ZHX2: variants seen among roughly 807,000 people sequenced by gnomAD.
ZHX2 encodes zinc fingers and homeoboxes protein 2.
In ZHX2, 6 loss-of-function variants were observed where a neutral mutation model predicts 21.9. That is an observed-to-expected ratio of 0.27 (90% CI 0.15 to 0.54). ZHX2 has a LOEUF of 0.54. ZHX2 is among the 20% of genes least tolerant of loss of function. The probability of loss-of-function intolerance (pLI) is 0.95; values close to 1 mark genes in which losing one functional copy is unlikely to be tolerated. For synonymous variants in ZHX2, 434 were observed against 437.1 expected, an observed-to-expected ratio of 0.99 and a Z score of 0.09; for missense variants, 908 against 1,090.7, an observed-to-expected ratio of 0.83 and a Z score of 2.36.
chr8:122,893,924 C>A (rs1403763823), intron 2 of ZHX2, among the ~76,000 whole-genome samples: 1 of 152,216 alleles, frequency 6.6e-6, no homozygotes, highest in African/African-American at 2.4e-5. Flanking sequence ...GATATCTGTG[C>A]ATCTGGTGGG....
intron 2 of ZHX2, among the ~76,000 whole-genome samples, chr8:122,882,936 G>A (rs1159689432): frequency 6.6e-6 from 1 of 152,000 alleles, no homozygotes; most frequent in Non-Finnish European, 1.5e-5. Flanking sequence ...GAGCTGAGAT[G>A]GCACCACTAT....
At chr8:122,841,930 A>G (rs1586315844) in intron 1 of ZHX2, among the ~76,000 whole-genome samples, 1 of 152,198 alleles carries the variant, frequency 6.6e-6, no homozygotes, top group East Asian at 1.9e-4. Flanking sequence ...AGTATGAGAT[A>G]TGAAGACTCC....
At chr8:122,836,024 A>T (rs1477503941) in intron 1 of ZHX2, among the ~76,000 whole-genome samples, 1 of 152,026 alleles carries the variant, frequency 6.6e-6, no homozygotes, top group Non-Finnish European at 1.5e-5. Flanking sequence ...GAAGACTGGG[A>T]ATTTCCCACA....
chr8:122,851,610 G>A (rs1469868802), intron 1 of ZHX2, among the ~76,000 whole-genome samples: 1 of 152,240 alleles, frequency 6.6e-6, no homozygotes, highest in African/African-American at 2.4e-5. Flanking sequence ...AGGATCCTCA[G>A]TACCTGGCAC....
intron 1 of ZHX2, among the ~76,000 whole-genome samples, chr8:122,829,818 G>A (rs1818333382): frequency 1.3e-5 from 2 of 152,222 alleles, no homozygotes; most frequent in African/African-American, 4.8e-5. Flanking sequence ...GGTGAGTTTG[G>A]AGAGACATTT....
At position 122,782,982 on chromosome 8, in the gene ZHX2, GA is replaced by G. The variant is rs1817323526; in HGVS notation, c.-283+1039del. On this transcript the variant is annotated intron_variant, in intron 1 of 3. Coordinates refer to ENST00000314393, the MANE Select transcript of ZHX2 (RefSeq NM_014943.5). The surrounding 1 kb of genome is among the most constrained non-coding windows in gnomAD (Gnocchi z 5.3). Reference sequence around the variant, plus strand: ...GAGGCTGCGGAGACGAAGATGAGCGGAAAGTTGGAAACCAGCAGGCATCACA... The same window carrying G: ...GAGGCTGCGGAGACGAAGATGAGCGGAAGTTGGAAACCAGCAGGCATCACA... Among the ~76,000 whole-genome samples, 1 of 152,224 alleles carries G rather than the reference GA, an allele frequency of 6.6e-6. No homozygotes were observed. The highest frequency in any genetic ancestry group is 6.5e-5 in the Admixed American group (1 of 15,292).
intron 2 of ZHX2, among the ~76,000 whole-genome samples, chr8:122,934,346 A>C (rs912112104): frequency 1.3e-5 from 2 of 152,168 alleles, no homozygotes; most frequent in African/African-American, 4.8e-5. Flanking sequence ...TGACCTTGAC[A>C]TTGAGAACAG....
chr8:122,944,100 A>G (rs1348314276), intron 2 of ZHX2, among the ~76,000 whole-genome samples: 1 of 151,666 alleles, frequency 6.6e-6, no homozygotes, highest in Non-Finnish European at 1.5e-5. Flanking sequence ...ACTTTCCTCT[A>G]CCTCCCAGAA....
chr8:122,953,807 A>G lies in ZHX2; in HGVS notation c.2297A>G (p.Glu766Gly), dbSNP rs1466504396. ...GACTGTTTGCCAGCAAAGCCCTCAG[A>G]GGCCACCTCAGACCGGTCAGAGGGC... ...AKDCLPAKPSEATSDRSEGSS... is the reference protein window; with the variant it reads ...AKDCLPAKPSGATSDRSEGSS... The change falls in exon 3 of 4, where the codon GAG becomes GGG. Residue 766 changes from glutamate (E) to glycine (G), a missense_variant. By Grantham distance (98) the Glu-to-Gly change is moderately conservative (BLOSUM62 -2). Around this residue, in one of 4 missense-constraint regions of ZHX2, gnomAD observed 431 missense variants for 428.6 expected, o/e 1.01. Transcript: ENST00000314393. The surrounding 1 kb of genome is among the most constrained non-coding windows in gnomAD (Gnocchi z 4.6). 6.2e-7 allele frequency: 1 copy of G among 1,614,254 alleles called. No homozygotes were observed. The highest frequency in any genetic ancestry group is 8.5e-7 in the Non-Finnish European group (1 of 1,180,038).
intron 1 of ZHX2, among the ~76,000 whole-genome samples, chr8:122,824,111 C>T (rs1036904180): frequency 3.9e-5 from 6 of 152,198 alleles, no homozygotes; most frequent in Non-Finnish European, 8.8e-5. Flanking sequence ...ATGCCTGTCT[C>T]ATCTCATCAC....
intron 2 of ZHX2, among the ~76,000 whole-genome samples, chr8:122,902,935 C>T (rs1820264930): frequency 6.6e-6 from 1 of 152,122 alleles, no homozygotes; most frequent in Admixed American, 6.5e-5. Context: ...GCTGGATTCC[C>T]AAGGCCTCCT....
rs16897443 is a variant in ZHX2, at chr8:122,794,304, A to G, written c.-283+12358A>G. ...TTTTTTTTCTAACAAGAGGGAAGGAAGAAGTCTTATTGGAAGGAATACATG... is the reference window on the plus strand; with the variant it reads ...TTTTTTTTCTAACAAGAGGGAAGGAGGAAGTCTTATTGGAAGGAATACATG... On this transcript the variant is annotated intron_variant, in intron 1 of 3. Coordinates refer to ENST00000314393, the MANE Select transcript of ZHX2 (RefSeq NM_014943.5). 8.6e-3 allele frequency among the ~76,000 whole-genome samples: 1,313 copies of G among 151,876 alleles called. 18 individuals carry two copies. The highest frequency in any genetic ancestry group is 0.042 in the East Asian group (219 of 5,160).
chr8:122,953,389 C>T lies in ZHX2; in HGVS notation c.1879C>T (p.Pro627Ser), dbSNP rs778755083. 4 of 1,614,036 alleles carry T rather than the reference C, an allele frequency of 2.5e-6. No homozygotes were observed. The highest frequency in any genetic ancestry group is 1.6e-4 in the Middle Eastern group (1 of 6,084). Residue 627 changes from proline (P) to serine (S), a missense_variant, in exon 3 of 4, where the codon CCC (proline) becomes TCC (serine). Physicochemically the swap from Pro to Ser is moderately conservative, Grantham distance 74. This residue lies in a region of ZHX2 where 431 missense variants were observed against 428.6 expected (regional missense o/e 1.01). Transcript: ENST00000314393. This position sits in a 1 kb window ranked among gnomAD's most constrained non-coding sequence, Gnocchi z 4.6. ...CGGTGCCCAGTTAACAAGTTCTCTGCCCAGCCCTTCGCCAGCAATTGCAAA... is the reference window on the plus strand; with the variant it reads ...CGGTGCCCAGTTAACAAGTTCTCTGTCCAGCCCTTCGCCAGCAATTGCAAA... ...LSGAQLTSSL[P>S]SPSPAIAKSQ...
chr8:122,880,715 C>T (rs1264820510), intron 2 of ZHX2, among the ~76,000 whole-genome samples: 3 of 119,884 alleles, frequency 2.5e-5, no homozygotes, highest in African/African-American at 8.3e-5. Context: ...GCTGAGGTTG[C>T]AGTGAGCCAA....
chr8:122,962,014 G>T (rs990565262), intron 3 of ZHX2, among the ~76,000 whole-genome samples: 1 of 152,156 alleles, frequency 6.6e-6, no homozygotes, highest in East Asian at 1.9e-4. Flanking sequence ...CTCAGGAGGG[G>T]TTGGGCTGGG....
intron 2 of ZHX2, among the ~76,000 whole-genome samples, chr8:122,890,118 T>A (rs1252112657): frequency 1.3e-5 from 2 of 152,108 alleles, no homozygotes; most frequent in Non-Finnish European, 2.9e-5. Context: ...TAAATCCACT[T>A]TGAGTTGATT....
chr8:122,949,381 C>T (rs1248334234), intron 2 of ZHX2, among the ~76,000 whole-genome samples: 1 of 151,742 alleles, frequency 6.6e-6, no homozygotes, highest in Non-Finnish European at 1.5e-5. Flanking sequence ...CTTAGTAAAG[C>T]ATTAGTATTA....
At chr8:122,858,076 A>G (rs1342424715) in intron 1 of ZHX2, among the ~76,000 whole-genome samples, 3 of 152,198 alleles carry the variant, frequency 2.0e-5, no homozygotes, top group Admixed American at 6.5e-5. Flanking sequence ...TTGTGGAGTG[A>G]GGGCCGAGCT....
intron 2 of ZHX2, among the ~76,000 whole-genome samples, chr8:122,877,306 G>A (rs1372825686): frequency 6.6e-6 from 1 of 152,174 alleles, no homozygotes; most frequent in Non-Finnish European, 1.5e-5. Context: ...CACATGGTAA[G>A]CAGTAAATAA....
Sources: allele counts gnomAD v4.1 joint callset (sites outside exome capture counted in the v4.1 genomes callset), GRCh38; gene constraint gnomAD v4.1.1; regional missense constraint gnomAD v4.1.1; non-coding constraint Gnocchi (gnomAD v3.1); transcripts MANE v1.5; gene names NCBI Gene and HGNC (gene_info 2026-07-23, HGNC 2026-07-21).